The following ZNF616 variants were observed in gnomAD, a reference collection of about 807,000 sequenced individuals.
ZNF616 encodes the protein zinc finger protein 616.
In ZNF616, 5 loss-of-function variants were observed where a neutral mutation model predicts 7.6. That is an observed-to-expected ratio of 0.66 (90% CI 0.34 to 1.38). The LOEUF (loss-of-function observed/expected upper bound fraction) is 1.38. ZNF616 is among the 40% of genes most tolerant of loss of function. The pLI is 0.04. For missense variants in ZNF616, 913 were observed against 948.3 expected, an observed-to-expected ratio of 0.96 and a Z score of 0.49; for synonymous variants, 319 against 317.2, an observed-to-expected ratio of 1.01 and a Z score of -0.06.
chr19:52,124,219 G>A (rs1339177963), intron 2 of ZNF616, among the ~76,000 whole-genome samples, 170 bp from the exon 3 acceptor site: 3 of 152,174 alleles, frequency 2.0e-5, no homozygotes, highest in South Asian at 2.1e-4. Context: ...AATACAATAG[G>A]AGACTATTAT....
At position 52,115,741 on chromosome 19, in the gene ZNF616, T is replaced by C; in HGVS notation, c.1423A>G (p.Ser475Gly). 4 of 1,614,232 alleles carry C rather than the reference T, an allele frequency of 2.5e-6. No individual in the cohort carries two copies. The highest frequency in any genetic ancestry group is 2.5e-6 in the Non-Finnish European group (3 of 1,180,030). Residue 475 changes from serine to glycine, a missense_variant, in exon 4 of 4, where the codon AGC becomes GGC. Coordinates refer to ENST00000600228, the MANE Select transcript of ZNF616 (RefSeq NM_178523.5). ...YKCNECGKVF[S>G]IHSRLAAHQR... Reference sequence around the variant, plus strand: ...TGAGCTGCAAGTCGTGAATGTATGCTGAAAACTTTGCCACATTCATTGCAT... The same window carrying C: ...TGAGCTGCAAGTCGTGAATGTATGCCGAAAACTTTGCCACATTCATTGCAT...
chr19:52,123,802 T>C (rs1489800688), intron 3 of ZNF616, 121 bp downstream of exon 3: 48 of 1,263,086 alleles, frequency 3.8e-5, no homozygotes, highest in Admixed American at 1.0e-4. Context: ...GTGAAGCTTT[T>C]TATTTTTGAA....
At chr19:52,121,415 A>G (rs1600123348) in intron 3 of ZNF616, among the ~76,000 whole-genome samples, 1 of 152,362 alleles carries the variant, frequency 6.6e-6, no homozygotes, top group African/African-American at 2.4e-5. Flanking sequence ...ACATATTCCT[A>G]AACAGCCAAT....
At position 52,115,708 on chromosome 19, in the gene ZNF616, T is replaced by C. The variant is rs763458144; in HGVS notation, c.1456A>G (p.Ile486Val). 5.6e-6 allele frequency: 9 copies of C among 1,614,020 alleles called. No individual in the cohort carries two copies. Among genetic ancestry groups the C allele is most frequent in the Non-Finnish European group, 7.6e-6 (9 of 1,180,000 alleles). ...IHSRLAAHQR[I>V]HTGEKPYKCN... ...TTGTAAGGTTTCTCTCCAGTATGAA[T>C]TCTCTGATGAGCTGCAAGTCGTGAA... Residue 486 changes from isoleucine (I) to valine (V), a missense_variant, in exon 4 of 4, where the codon ATT (isoleucine) becomes GTT (valine). Transcript: ENST00000600228.
At chr19:52,131,431 G>A (rs757968874) in intron 1 of ZNF616, among the ~76,000 whole-genome samples, 4 of 152,102 alleles carry the variant, frequency 2.6e-5, no homozygotes, top group African/African-American at 9.7e-5. Flanking sequence ...AGTCTCAAAG[G>A]GGGCAAGACT....
At position 52,137,452 on chromosome 19, in the gene ZNF616, A is replaced by C. The variant is rs577115619; in HGVS notation, c.-77+2280T>G. Among the ~76,000 whole-genome samples the C allele has an allele frequency of 2.9e-4, 44 of 152,244 alleles. No individual in the cohort carries two copies. The South Asian group carries it at 6.4e-3, about 22-fold the overall frequency. On this transcript the variant is annotated intron_variant, in intron 1 of 3. Coordinates refer to ENST00000600228, the MANE Select transcript of ZNF616 (RefSeq NM_178523.5). ...AAAAATAAAAAATAAAAATAAAAAT[A>C]AATAAAATCCTGCTATTTCCAACAA...
chr19:52,136,144 C>CGG (rs376361289), intron 1 of ZNF616, among the ~76,000 whole-genome samples: 40 of 53,098 alleles, frequency 7.5e-4, no homozygotes, highest in South Asian at 3.7e-3. Context: ...AAAAAAAAAG[C>CGG]GGGGGGGGGA....
At chr19:52,138,560 C>G (rs1292442517) in intron 1 of ZNF616, 2 of 152,160 alleles carry the variant, frequency 1.3e-5, no homozygotes, top group African/African-American at 4.8e-5. Flanking sequence ...TTTTTCTCCC[C>G]TTTCTTTATT....
chr19:52,115,304 G>C lies in ZNF616; in HGVS notation c.1860C>G (p.Leu620=). Reference sequence around the variant, plus strand: ...CGGTATGAATTCTCTGATGTCTATTGAGTGTGGAGCCCTGATTAAAGGCTT... The same window carrying C: ...CGGTATGAATTCTCTGATGTCTATTCAGTGTGGAGCCCTGATTAAAGGCTT... ...CGKAFNQGST[L]NRHQRIHTGE... Residue 620 remains leucine (L), a synonymous_variant, in exon 4 of 4, where the codon CTC becomes CTG. Transcript: ENST00000600228. 4.3e-6 allele frequency: 7 copies of C among 1,613,872 alleles called. No individual in the cohort carries two copies. The highest frequency in any genetic ancestry group is 1.3e-5 in the African/African-American group (1 of 74,938).
intron 2 of ZNF616, among the ~76,000 whole-genome samples, chr19:52,130,057 G>A (rs1303881304): frequency 6.6e-6 from 1 of 152,210 alleles, no homozygotes; most frequent in African/African-American, 2.4e-5. Context: ...ACAGGCATGA[G>A]ACACGGCGCC....
At position 52,115,930 on chromosome 19, in the gene ZNF616, T is replaced by C. The variant is rs780862833; in HGVS notation, c.1234A>G (p.Asn412Asp). The stretch of plus-strand genomic sequence containing the variant: ...TTACTGAAGACCTTGCCACATTCAT[T>C]GCATTTGCAAGGTTTCTCTACAGTG... ...IHTVEKPCKCNECGKVFSKRS... is the reference protein window; with the variant it reads ...IHTVEKPCKCDECGKVFSKRS... Residue 412 changes from asparagine to aspartate, a missense_variant, in exon 4 of 4, where the codon AAT (asparagine) becomes GAT (aspartate). Asn to Asp is a conservative substitution (Grantham distance 23, BLOSUM62 1). Coordinates refer to ENST00000600228, the MANE Select transcript of ZNF616 (RefSeq NM_178523.5). 6.2e-7 allele frequency: 1 copy of C among 1,614,210 alleles called. No individual in the cohort carries two copies. Among genetic ancestry groups the C allele is most frequent in the Non-Finnish European group, 8.5e-7 (1 of 1,180,032 alleles).
intron 3 of ZNF616, among the ~76,000 whole-genome samples, chr19:52,118,832 G>A (rs1266298982): frequency 2.0e-5 from 3 of 152,116 alleles, no homozygotes; most frequent in South Asian, 2.1e-4. Flanking sequence ...AAGTCTTGAG[G>A]TAAATTACCA....
chr19:52,127,914 CATA>C (rs2088923439), intron 2 of ZNF616, among the ~76,000 whole-genome samples: 2 of 152,170 alleles, frequency 1.3e-5, no homozygotes, highest in African/African-American at 4.8e-5. Context: ...TCTAAAATCT[CATA>C]ATGACACGTA....
chr19:52,120,227 G>A (rs2088855491), intron 3 of ZNF616, among the ~76,000 whole-genome samples: 1 of 152,182 alleles, frequency 6.6e-6, no homozygotes, highest in Non-Finnish European at 1.5e-5. Context: ...ATTTTTCTAT[G>A]TGACTGAAGT....
chr19:52,115,996 A>G lies in ZNF616; in HGVS notation c.1168T>C (p.Phe390Leu). 6.2e-7 allele frequency: 1 copy of G among 1,614,232 alleles called. No homozygotes were observed. Among genetic ancestry groups the G allele is most frequent in the Non-Finnish European group, 8.5e-7 (1 of 1,180,042 alleles). ...QYKCNECGKV[F>L]SKRSSLAVHR... ...ACTGCAAGACTTGAACGTTTACTGA[A>G]GACCTTGCCACATTCATTGCATTTG... is the stretch of plus-strand genomic sequence containing the variant. Residue 390 changes from phenylalanine (F) to leucine (L), a missense_variant, in exon 4 of 4, where the codon TTC becomes CTC. By Grantham distance (22) the Phe-to-Leu change is conservative. Transcript: ENST00000600228.
At position 52,114,702 on chromosome 19, in the gene ZNF616, C is replaced by T. The variant is rs568271113; in HGVS notation, c.*116G>A. 3.7e-4 allele frequency: 460 copies of T among 1,238,398 alleles called. 2 individuals carry two copies. In the African/African-American group the frequency reaches 6.4e-3, roughly 17 times the overall value. The allele number at this position is 1,238,398 out of a possible 1,614,324, so 76.7% of individuals were successfully genotyped here. On this transcript the variant is annotated 3_prime_UTR_variant, in exon 4 of 4. Transcript: ENST00000600228. ...CATGATTCAATCACCTCCCAATGGG[C>T]CCCACCTCCAATACTGGAGATTACA...
At chr19:52,134,735 T>C (rs2088992975) in intron 1 of ZNF616, among the ~76,000 whole-genome samples, 1 of 152,046 alleles carries the variant, frequency 6.6e-6, no homozygotes, top group Non-Finnish European at 1.5e-5. Flanking sequence ...AGGAAAAAAT[T>C]TGTTTTTTCC....
chr19:52,120,368 C>T (rs2088856160), intron 3 of ZNF616, among the ~76,000 whole-genome samples: 2 of 152,054 alleles, frequency 1.3e-5, no homozygotes, highest in Admixed American at 6.5e-5. Context: ...AAAGAATCAA[C>T]TAAATAAACA....
chr19:52,120,125 A>C (rs1292008002), intron 3 of ZNF616, among the ~76,000 whole-genome samples: 1 of 152,238 alleles, frequency 6.6e-6, no homozygotes, highest in Non-Finnish European at 1.5e-5. Context: ...ATTGTTGTCA[A>C]GGTTTAAATA....
Sources: allele counts gnomAD v4.1 joint callset (sites outside exome capture counted in the v4.1 genomes callset), GRCh38; gene constraint gnomAD v4.1.1; transcripts MANE v1.5; gene names NCBI Gene and HGNC (gene_info 2026-07-23, HGNC 2026-07-21).